UGT1A9: variants seen among roughly 807,000 people sequenced by gnomAD.
UGT1A9 encodes the protein UDP glucuronosyltransferase family 1 member A9.
UGT1A9 carries 35 observed loss-of-function variants against 45.0 expected under a neutral mutation model. That is an observed-to-expected ratio of 0.78 (90% confidence interval 0.59 to 1.03). The LOEUF (loss-of-function observed/expected upper bound fraction) is 1.03, where lower values mean the gene tolerates loss of function less well. Among genes scored for constraint, UGT1A9 ranks in the 50% least tolerant of loss-of-function variants. The pLI is 0.00. For missense variants in UGT1A9, 687 were observed against 666.6 expected, an observed-to-expected ratio of 1.03 and a Z score of -0.34; for synonymous variants, 278 against 250.6, an observed-to-expected ratio of 1.11 and a Z score of -1.03.
At chr2:233,705,781 CA>C (rs1559354356) in intron 1 of UGT1A9, among the ~76,000 whole-genome samples, 1 of 152,140 alleles carries the variant, frequency 6.6e-6, no homozygotes, top group Non-Finnish European at 1.5e-5. Context: ...TGTCTTAGTG[CA>C]AAATGCCCCT....
At chr2:233,770,765 A>G (rs962602628) in intron 4 of UGT1A9, 1 of 152,230 alleles carries the variant, frequency 6.6e-6, no homozygotes, top group Non-Finnish European at 1.5e-5. Context: ...ATTACATTAT[A>G]ATAATGTTTC....
rs1699952457 is a variant in UGT1A9, at chr2:233,769,841, G to C, written c.1295+1402G>C. On this transcript the variant is annotated intron_variant, in intron 4 of 4. Coordinates refer to ENST00000354728, the MANE Select transcript of UGT1A9 (RefSeq NM_021027.3). This position sits in a 1 kb window ranked among gnomAD's most constrained non-coding sequence, Gnocchi z 4.4. The stretch of plus-strand genomic sequence containing the variant: ...CTGCACTCCAGCAACCTGGGCAACA[G>C]AGTGAGACCCTGTCTCAAAAAAAAA... The C allele has an allele frequency of 1.8e-6, 1 of 550,096 alleles. No homozygotes were observed. Among genetic ancestry groups the C allele is most frequent in the Non-Finnish European group, 2.8e-6 (1 of 353,910 alleles). The allele number at this position is 550,096 out of a possible 1,614,324, so 34.1% of individuals were successfully genotyped here. A position where few individuals can be genotyped will look rare whatever the true frequency, so the allele number is the denominator to read the frequency against.
intron 1 of UGT1A9, among the ~76,000 whole-genome samples, chr2:233,694,798 TC>T (rs2075241848): frequency 1.3e-5 from 2 of 152,218 alleles, no homozygotes; most frequent in Non-Finnish European, 2.9e-5. Context: ...CTGAAATGGT[TC>T]CAGGGATTCT....
At chr2:233,761,518 T>C (rs780967719) in intron 1 of UGT1A9, among the ~76,000 whole-genome samples, 1 of 152,242 alleles carries the variant, frequency 6.6e-6, no homozygotes, top group African/African-American at 2.4e-5. Context: ...GCAGGCAATG[T>C]TCAGGACTGA....
intron 1 of UGT1A9, among the ~76,000 whole-genome samples, chr2:233,673,975 G>C (rs948361340): frequency 2.0e-5 from 3 of 152,018 alleles, no homozygotes; most frequent in Non-Finnish European, 4.4e-5. Context: ...TTTTAAATAG[G>C]GATTCAATCA....
rs927905587 is a variant in UGT1A9 at position 233,772,883 on chromosome 2, C to G, written c.*324C>G. The G allele has an allele frequency of 7.2e-6, 4 of 557,122 alleles. No homozygotes were observed. Among genetic ancestry groups the G allele is most frequent in the Admixed American group, 7.5e-5 (2 of 26,828 alleles). 34.5% of individuals were successfully genotyped at this position (557,122 alleles called of 1,614,324 possible). Reference sequence around the variant, plus strand: ...ATGGCCTGTTTGGGAGTGCGGGATTCAAAGGTGGTCCCACGGCTGCCCCTA... The same window carrying G: ...ATGGCCTGTTTGGGAGTGCGGGATTGAAAGGTGGTCCCACGGCTGCCCCTA... On this transcript the variant is annotated 3_prime_UTR_variant, in exon 5 of 5. Transcript: ENST00000354728.
Position 233,747,571 on chromosome 2 carries a change from C to A in UGT1A9, c.856-19463C>A, listed in dbSNP as rs1265322590. The A allele has an allele frequency of 7.6e-6, 12 of 1,588,364 alleles. No individual in the cohort carries two copies. In the African/African-American group the frequency reaches 1.4e-4, roughly 18 times the overall value. ...AAAAGTATGGCAATTTTGAAAAATT[C>A]ATCTTTGGTCTTTCATAGGTCTTGT... On this transcript the variant is annotated intron_variant, in intron 1 of 4. Coordinates refer to ENST00000354728, the MANE Select transcript of UGT1A9 (RefSeq NM_021027.3).
chr2:233,713,818 T>C lies in UGT1A9; in HGVS notation c.855+41029T>C, dbSNP rs147668404. 307 of 1,614,106 alleles carry C rather than the reference T, an allele frequency of 1.9e-4. 1 individual carries two copies. The highest frequency in any genetic ancestry group is 2.1e-4 in the Non-Finnish European group (243 of 1,179,982). On this transcript the variant is annotated intron_variant, in intron 1 of 4. Transcript: ENST00000354728. ...CCGATCATGCCCAACATGGTCTTCA[T>C]TGGGGGCATCAACTGTGCCAACGGG...
intron 2 of UGT1A9, 51 bp from the exon 3 acceptor site, chr2:233,767,798 C>G (rs1319499928): frequency 6.2e-7 from 1 of 1,614,062 alleles, no homozygotes; most frequent in Admixed American, 1.7e-5. Context: ...GATTTGTTTT[C>G]TAATCATATT....
At chr2:233,754,945 G>C (rs1342760083) in intron 1 of UGT1A9, 3 of 1,327,414 alleles carry the variant, frequency 2.3e-6, no homozygotes, top group Non-Finnish European at 3.0e-6. Flanking sequence ...AAGGAGAATG[G>C]GTCCCGGCCG....
At chr2:233,734,739 A>C (rs1237187845) in intron 1 of UGT1A9, among the ~76,000 whole-genome samples, 2 of 152,196 alleles carry the variant, frequency 1.3e-5, no homozygotes, top group East Asian at 1.9e-4. Context: ...GTTTCAAAGA[A>C]CATCTTTATT....
In UGT1A9 at chr2:233,690,700, G is replaced by A. The variant is rs552015740; in HGVS notation, c.855+17911G>A. The A allele has an allele frequency of 1.2e-4, 152 of 1,232,616 alleles. 2 individuals are homozygous for A. The Admixed American group carries it at 4.7e-3, about 38-fold the overall frequency. 76.4% of individuals were successfully genotyped at this position (1,232,616 alleles called of 1,614,324 possible). On this transcript the variant is annotated intron_variant, in intron 1 of 4. Coordinates refer to ENST00000354728, the MANE Select transcript of UGT1A9 (RefSeq NM_021027.3). ...GGTCTCCAGCGGAGCTACTCTTTAG[G>A]GATCGTCATTATGACGAACAGACAT...
At position 233,734,224 on chromosome 2, in the gene UGT1A9, G is replaced by T. The variant is rs1427177623; in HGVS notation, c.856-32810G>T. ...AGAGCCTGTTGTTGGTCTATTCAGAGATTCAACTTCTTCCTGCTTTAGTCT... is the reference window on the plus strand; with the variant it reads ...AGAGCCTGTTGTTGGTCTATTCAGATATTCAACTTCTTCCTGCTTTAGTCT... On this transcript the variant is annotated intron_variant, in intron 1 of 4. Coordinates refer to ENST00000354728, the MANE Select transcript of UGT1A9 (RefSeq NM_021027.3). 2.6e-5 allele frequency among the ~76,000 whole-genome samples: 4 copies of T among 152,156 alleles called. No individual in the cohort carries two copies. The East Asian group carries it at 5.8e-4, about 22-fold the overall frequency.
At chr2:233,731,806 G>A (rs142975775) in intron 1 of UGT1A9, among the ~76,000 whole-genome samples, 5,114 of 152,192 alleles carry the variant, frequency 0.034, 99 homozygotes, top group African/African-American at 0.051. Context: ...ACCCAGTAAT[G>A]GTATGGCTGT....
chr2:233,727,510 G>A (rs1189084466), intron 1 of UGT1A9, among the ~76,000 whole-genome samples: 2 of 152,170 alleles, frequency 1.3e-5, no homozygotes, highest in Admixed American at 1.3e-4. Flanking sequence ...GCCCATGAAT[G>A]TGGGAAGAGC....
Position 233,760,233 on chromosome 2 carries a change from C to CATATAT in UGT1A9, c.856-6791_856-6786dup, listed in dbSNP as rs3064744. 17 of 1,510,056 alleles carry CATATAT rather than the reference C, an allele frequency of 1.1e-5. No individual in the cohort carries two copies. The African/African-American group carries it at 1.9e-4, about 17-fold the overall frequency. The allele number at this position is 1,510,056 out of a possible 1,614,324, so 93.5% of individuals were successfully genotyped here. On this transcript the variant is annotated intron_variant, in intron 1 of 4. Coordinates refer to ENST00000354728, the MANE Select transcript of UGT1A9 (RefSeq NM_021027.3). ...ACTTGGTGTATCGATTGGTTTTTGC[C>CATATAT]ATATATATATATATAAGTAGGAGAG...
At chr2:233,720,574 T>A (rs1460258632) in intron 1 of UGT1A9, among the ~76,000 whole-genome samples, 1 of 152,136 alleles carries the variant, frequency 6.6e-6, no homozygotes, top group Non-Finnish European at 1.5e-5. Context: ...CTATTCTTTT[T>A]CCAAAAATTT....
At position 233,772,264 on chromosome 2, in the gene UGT1A9, A is replaced by T. The variant is rs766626435; in HGVS notation, c.1298A>T (p.Tyr433Phe). ...AACGAAACTGTCTTTGTGTTTAGTTACAAGGAGAACATCATGCGCCTCTCC... is the reference window on the plus strand; with the variant it reads ...AACGAAACTGTCTTTGTGTTTAGTTTCAAGGAGAACATCATGCGCCTCTCC... ...ALKAVINDKSYKENIMRLSSL... is the reference protein window; with the variant it reads ...ALKAVINDKSFKENIMRLSSL... The change falls in exon 5 of 5, where the codon TAC (tyrosine) becomes TTC (phenylalanine). Residue 433 changes from tyrosine (Y) to phenylalanine (F), a missense_variant and splice_region_variant. Transcript: ENST00000354728. 1.9e-6 allele frequency: 3 copies of T among 1,614,262 alleles called. No individual in the cohort carries two copies. Among genetic ancestry groups the T allele is most frequent in the Non-Finnish European group, 2.5e-6 (3 of 1,180,060 alleles).
chr2:233,745,245 C>T (rs931474657), intron 1 of UGT1A9, among the ~76,000 whole-genome samples: 3 of 151,778 alleles, frequency 2.0e-5, no homozygotes, highest in African/African-American at 7.3e-5. Flanking sequence ...TTTACTGTAT[C>T]GAAACCATTA....
Sources: gnomAD v4.1 joint callset for allele counts (sites outside exome capture counted in the v4.1 genomes callset) on GRCh38, gnomAD v4.1.1 for gene constraint, Gnocchi (gnomAD v3.1) non-coding constraint, MANE v1.5 for transcripts, NCBI Gene and HGNC (gene_info 2026-07-23, HGNC 2026-07-21) for gene names.